The following FRY variants were observed in gnomAD, a reference collection of about 807,000 sequenced individuals.
The protein encoded by FRY is protein furry homolog.
A neutral mutation model predicts 348.4 loss-of-function variants in FRY; 128 were observed. The observed-to-expected ratio is 0.37, with a 90% CI of 0.32 to 0.43. The LOEUF (loss-of-function observed/expected upper bound fraction) is 0.43. FRY is among the 20% of genes least tolerant of loss of function. FRY has a pLI of 1.00. For missense variants in FRY, 2,736 were observed against 3,695.2 expected (o/e 0.74, Z 6.73); for synonymous variants, 1,370 against 1,374.7 (o/e 1.00, Z 0.08).
At chr13:32,203,226 T>C (rs1486544295) in intron 31 of FRY, among the ~76,000 whole-genome samples, 1 of 152,202 alleles carries the variant, frequency 6.6e-6, no homozygotes, top group Admixed American at 6.5e-5. Flanking sequence ...ATAACACATA[T>C]AATTGCTGCA....
chr13:32,251,822 G>T, intron 49 of FRY, 56 bp from the exon 50 acceptor site: 2 of 1,093,760 alleles, frequency 1.8e-6, no homozygotes, highest in South Asian at 2.5e-5. Flanking sequence ...TAGAAAATTA[G>T]AGCAGATTTG....
At chr13:32,099,823 A>T (rs1456241767) in intron 2 of FRY, among the ~76,000 whole-genome samples, 2 of 152,112 alleles carry the variant, frequency 1.3e-5, no homozygotes, top group African/African-American at 4.8e-5. Flanking sequence ...ATTGAAAAAA[A>T]AATGCTCTGC....
At position 32,253,557 on chromosome 13, in the gene FRY, G is replaced by A. The variant is rs1313048787; in HGVS notation, c.7246-667G>A. 2.0e-5 allele frequency among the ~76,000 whole-genome samples: 3 copies of A among 152,132 alleles called. No individual in the cohort carries two copies. The South Asian group carries it at 6.2e-4, about 31-fold the overall frequency. ...CCAAGTTCTACCAAAATGGGTCAGT[G>A]AAAAGAACCTAAACATAGAAGTTAA... On this transcript the variant is annotated intron_variant, in intron 50 of 60. Coordinates refer to ENST00000542859, the MANE Select transcript of FRY (RefSeq NM_023037.3).
Position 32,268,536 on chromosome 13 carries a change from A to ATC in FRY, c.8136+1178_8136+1179insCT, listed in dbSNP as rs1282907874. 2.1e-3 allele frequency among the ~76,000 whole-genome samples: 287 copies of ATC among 134,484 alleles called. 2 individuals carry two copies. The highest frequency in any genetic ancestry group is 4.1e-3 in the South Asian group (17 of 4,152). The allele number at this position is 134,484 out of a possible 152,430, so 88.2% of individuals were successfully genotyped here. On this transcript the variant is annotated intron_variant, in intron 55 of 60. Coordinates refer to ENST00000542859, the MANE Select transcript of FRY (RefSeq NM_023037.3). ...TATATATATATATATATATATATATATATCTAGATTAGTATTCCTTTTTTT... is the reference window on the plus strand; with the variant it reads ...TATATATATATATATATATATATATATCTATCTAGATTAGTATTCCTTTTTTT...
At chr13:32,075,465 T>G (rs1035121516) in intron 1 of FRY, among the ~76,000 whole-genome samples, 4 of 152,252 alleles carry the variant, frequency 2.6e-5, no homozygotes, top group African/African-American at 9.6e-5. Flanking sequence ...ATTTTCTGTT[T>G]CCAGACTACT....
chr13:32,197,782 A>G (rs1465854086), intron 29 of FRY, among the ~76,000 whole-genome samples: 1 of 152,220 alleles, frequency 6.6e-6, no homozygotes, highest in East Asian at 1.9e-4. Context: ...GCTTTGTCAC[A>G]TAGTACTAGG....
At chr13:32,227,841 C>T (rs1483677336) in intron 39 of FRY, among the ~76,000 whole-genome samples, 5 of 151,786 alleles carry the variant, frequency 3.3e-5, no homozygotes, top group South Asian at 4.2e-4. Context: ...AAACTCCACC[C>T]ACCGGGTTCA....
At chr13:32,043,134 A>T (rs1872829156) in intron 1 of FRY, among the ~76,000 whole-genome samples, 1 of 152,178 alleles carries the variant, frequency 6.6e-6, no homozygotes, top group African/African-American at 2.4e-5. Context: ...GCGGCAAGAG[A>T]GAGAATGAGA....
At chr13:32,203,916 G>A (rs1335223456) in intron 31 of FRY, among the ~76,000 whole-genome samples, 1 of 152,124 alleles carries the variant, frequency 6.6e-6, no homozygotes, top group African/African-American at 2.4e-5. Context: ...CCATGTGGCA[G>A]TCCATCCACT....
chr13:32,230,619 A>G (rs1267672550), intron 40 of FRY, among the ~76,000 whole-genome samples: 1 of 152,192 alleles, frequency 6.6e-6, no homozygotes, highest in Admixed American at 6.5e-5. Flanking sequence ...CAGTGAACAT[A>G]TGCATGCATG....
intron 11 of FRY, among the ~76,000 whole-genome samples, chr13:32,143,761 A>G (rs1164027230): frequency 6.6e-6 from 1 of 152,234 alleles, no homozygotes; most frequent in Non-Finnish European, 1.5e-5. Flanking sequence ...CAGGGGCTAC[A>G]TTTCCCTTGT....
At chr13:32,152,702 C>T (rs1880870451) in intron 14 of FRY, among the ~76,000 whole-genome samples, 1 of 151,994 alleles carries the variant, frequency 6.6e-6, no homozygotes. Context: ...ATTTTCATGA[C>T]CTTCAGGTGG....
chr13:32,078,700 A>T, intron 1 of FRY, 134 bp from the exon 2 acceptor site: 2 of 769,440 alleles, frequency 2.6e-6, no homozygotes, highest in South Asian at 1.4e-5. Context: ...TTTCCAAAGA[A>T]TAAGGCCAGG....
At chr13:32,156,662 A>G (rs915171611) in intron 15 of FRY, among the ~76,000 whole-genome samples, 1 of 152,028 alleles carries the variant, frequency 6.6e-6, no homozygotes, top group Non-Finnish European at 1.5e-5. Context: ...TAATTATTTC[A>G]CTAAGGTACA....
chr13:32,244,579 G>C (rs1192368626), intron 47 of FRY, among the ~76,000 whole-genome samples: 1 of 152,196 alleles, frequency 6.6e-6, no homozygotes, highest in Non-Finnish European at 1.5e-5. Flanking sequence ...AACATGTGAA[G>C]GATTATTCAA....
At chr13:32,145,238 C>T (rs557116028) in intron 11 of FRY, among the ~76,000 whole-genome samples, 61 of 152,206 alleles carry the variant, frequency 4.0e-4, no homozygotes, top group Admixed American at 3.0e-3. Context: ...ACTACCGATT[C>T]TGTGATTTCT....
rs529630137 is a variant in FRY, at chr13:32,261,019, T to C, written c.7417-597T>C. On this transcript the variant is annotated intron_variant, in intron 51 of 60. Coordinates refer to ENST00000542859, the MANE Select transcript of FRY (RefSeq NM_023037.3). ...CCTAAAGCAAAAGTTAAGGTGTTGC[T>C]GCTCTGGCCTCTGCATAGTGCATGA... Among the ~76,000 whole-genome samples, 8 of 152,364 alleles carry C rather than the reference T, an allele frequency of 5.3e-5. No individual in the cohort carries two copies. The South Asian group carries it at 1.7e-3, about 32-fold the overall frequency.
intron 1 of FRY, among the ~76,000 whole-genome samples, chr13:32,042,703 A>C (rs914324644): frequency 6.6e-6 from 1 of 152,240 alleles, no homozygotes; most frequent in Non-Finnish European, 1.5e-5. Flanking sequence ...TGTAACAAGA[A>C]GATTATTTTG....
intron 29 of FRY, among the ~76,000 whole-genome samples, chr13:32,201,716 T>C (rs1484861413): frequency 1.3e-5 from 2 of 152,226 alleles, no homozygotes; most frequent in Non-Finnish European, 2.9e-5. Context: ...TTTGTGTTCT[T>C]TTATCCTGGT....
Sources: allele counts gnomAD v4.1 joint callset (sites outside exome capture counted in the v4.1 genomes callset), GRCh38; gene constraint gnomAD v4.1.1; transcripts MANE v1.5; gene names NCBI Gene and HGNC (gene_info 2026-07-23, HGNC 2026-07-21).